ZHX2: variants seen among roughly 807,000 people sequenced by gnomAD.
ZHX2 encodes zinc fingers and homeoboxes 2.
A neutral mutation model predicts 21.9 loss-of-function variants in ZHX2; 6 were observed. The observed-to-expected ratio is 0.27, with a 90% CI of 0.15 to 0.54. The LOEUF (loss-of-function observed/expected upper bound fraction) is 0.54. ZHX2 is among the 20% of genes least tolerant of loss of function. The probability of loss-of-function intolerance (pLI) is 0.95; values close to 1 mark genes in which losing one functional copy is unlikely to be tolerated. For missense variants in ZHX2, 908 were observed against 1,090.7 expected, an observed-to-expected ratio of 0.83 and a Z score of 2.36; for synonymous variants, 434 against 437.1, an observed-to-expected ratio of 0.99 and a Z score of 0.09.
At chr8:122,891,034 G>C (rs1477221433) in intron 2 of ZHX2, among the ~76,000 whole-genome samples, 8 of 151,972 alleles carry the variant, frequency 5.3e-5, no homozygotes, top group Admixed American at 5.2e-4. Context: ...GTCTGGTTTT[G>C]GTATCAGGGT....
chr8:122,857,282 A>C, intron 1 of ZHX2, among the ~76,000 whole-genome samples: 1 of 151,992 alleles, frequency 6.6e-6, no homozygotes, highest in Non-Finnish European at 1.5e-5. Context: ...AAAGCCCCAT[A>C]AAGAGTTGTT....
chr8:122,865,301 T>G (rs2129643788), intron 2 of ZHX2, among the ~76,000 whole-genome samples: 1 of 152,150 alleles, frequency 6.6e-6, no homozygotes, highest in East Asian at 1.9e-4. Context: ...GCTAATTTTT[T>G]GTATTTTTAG....
At chr8:122,967,057 A>G (rs1424710288) in intron 3 of ZHX2, among the ~76,000 whole-genome samples, 1 of 151,992 alleles carries the variant, frequency 6.6e-6, no homozygotes, top group African/African-American at 2.4e-5. Flanking sequence ...CATATCCTGT[A>G]TTGTTGTTTC....
At chr8:122,874,894 G>A (rs1165508323) in intron 2 of ZHX2, among the ~76,000 whole-genome samples, 2 of 151,290 alleles carry the variant, frequency 1.3e-5, no homozygotes, top group Non-Finnish European at 3.0e-5. Flanking sequence ...GTTCTCAGGT[G>A]CCAGACCACC....
rs1817313698 is a variant in ZHX2, at chr8:122,782,618, G to A, written c.-283+672G>A. Among the ~76,000 whole-genome samples the A allele has an allele frequency of 6.6e-6, 1 of 152,176 alleles. No individual in the cohort carries two copies. Among genetic ancestry groups the A allele is most frequent in the African/African-American group, 2.4e-5 (1 of 41,462 alleles). On this transcript the variant is annotated intron_variant, in intron 1 of 3. Transcript: ENST00000314393. This position sits in a 1 kb window ranked among gnomAD's most constrained non-coding sequence, Gnocchi z 5.3. ...GCCTCTGCTCTCGTCGCTCCCGGCG[G>A]CTGCAGGCAGCGGGCGCGCAGCGCG...
At chr8:122,780,671 T>C (rs984453524), upstream of ZHX2, 2 of 152,340 alleles carry the variant, frequency 1.3e-5, no homozygotes, top group African/African-American at 4.8e-5. Context: ...ACCTTTGCTC[T>C]AAGGCGCCTA....
chr8:122,791,872 A>AC (rs924842416), intron 1 of ZHX2, among the ~76,000 whole-genome samples: 11 of 152,116 alleles, frequency 7.2e-5, no homozygotes, highest in African/African-American at 1.2e-4. Context: ...CTCATAAAAA[A>AC]AAAAAAAAAG....
chr8:122,881,886 C>T (rs1332005389), intron 2 of ZHX2, among the ~76,000 whole-genome samples: 1 of 152,158 alleles, frequency 6.6e-6, no homozygotes, highest in East Asian at 1.9e-4. Context: ...CATTTGGAAA[C>T]CCCCATTTCC....
intron 3 of ZHX2, among the ~76,000 whole-genome samples, chr8:122,959,625 T>G (rs1813392289): frequency 6.6e-6 from 1 of 152,212 alleles, no homozygotes; most frequent in Non-Finnish European, 1.5e-5. Context: ...TTGCTTGTCC[T>G]CATTTTTTTC....
At chr8:122,889,181 T>A (rs764425532) in intron 2 of ZHX2, among the ~76,000 whole-genome samples, 1 of 152,208 alleles carries the variant, frequency 6.6e-6, no homozygotes, top group Non-Finnish European at 1.5e-5. Flanking sequence ...AGTGCTGCAA[T>A]AAACATGGGA....
At chr8:122,883,735 G>A (rs1178825448) in intron 2 of ZHX2, among the ~76,000 whole-genome samples, 1 of 152,220 alleles carries the variant, frequency 6.6e-6, no homozygotes, top group Non-Finnish European at 1.5e-5. Context: ...AGAAAGACCC[G>A]TTTGTTGGTG....
chr8:122,874,085 C>A (rs1819509192), intron 2 of ZHX2, among the ~76,000 whole-genome samples: 1 of 152,170 alleles, frequency 6.6e-6, no homozygotes. Context: ...TAGTCAAGTG[C>A]AGTTCTGAGA....
At chr8:122,892,346 A>G (rs974780051) in intron 2 of ZHX2, among the ~76,000 whole-genome samples, 3 of 152,188 alleles carry the variant, frequency 2.0e-5, no homozygotes, top group Admixed American at 6.5e-5. Context: ...TATAGGCAGC[A>G]TATAGTTGGG....
At chr8:122,819,565 A>G (rs991596876) in intron 1 of ZHX2, among the ~76,000 whole-genome samples, 2 of 152,250 alleles carry the variant, frequency 1.3e-5, no homozygotes, top group African/African-American at 2.4e-5. Context: ...ATCTGCTTCC[A>G]CTGCAGTCAG....
At position 122,953,612 on chromosome 8, in the gene ZHX2, A is replaced by T. The variant is rs201478824; in HGVS notation, c.2102A>T (p.Asp701Val). Reference sequence around the variant, plus strand: ...CAGTACCAGCACCAGCCCATGGCAGATGATCACGGCTACGATGCCGTAGCA... The same window carrying T: ...CAGTACCAGCACCAGCCCATGGCAGTTGATCACGGCTACGATGCCGTAGCA... The part of the protein sequence containing the change: ...MEQYQHQPMA[D>V]DHGYDAVARK... Residue 701 changes from aspartate (D) to valine (V), a missense_variant, in exon 3 of 4, where the codon GAT becomes GTT. Transcript: ENST00000314393. The surrounding 1 kb of genome is among the most constrained non-coding windows in gnomAD (Gnocchi z 4.6). 5.6e-6 allele frequency: 9 copies of T among 1,614,188 alleles called. No individual in the cohort carries two copies. The Admixed American group carries it at 1.2e-4, about 21-fold the overall frequency.
At chr8:122,893,869 G>T (rs1820037831) in intron 2 of ZHX2, among the ~76,000 whole-genome samples, 3 of 152,158 alleles carry the variant, frequency 2.0e-5, no homozygotes, top group Admixed American at 6.5e-5. Flanking sequence ...TTCCTTTAAA[G>T]GTGTTGTGTT....
rs1307241458 is a variant in ZHX2 at position 122,952,989 on chromosome 8, G to A, written c.1479G>A (p.Arg493=). 6.2e-7 allele frequency: 1 copy of A among 1,614,006 alleles called. No individual in the cohort carries two copies. Among genetic ancestry groups the A allele is most frequent in the South Asian group, 1.1e-5 (1 of 91,070 alleles). Reference sequence around the variant, plus strand: ...AGTGGTTCAGTGACCACCGATATCGGTGTCAAAGGGGCATCGTCCACATCA... The same window carrying A: ...AGTGGTTCAGTGACCACCGATATCGATGTCAAAGGGGCATCGTCCACATCA... ...IKKWFSDHRY[R]CQRGIVHITS... is the part of the protein sequence containing the mutation. Residue 493 remains arginine (R), a synonymous_variant, in exon 3 of 4, where the codon CGG becomes CGA. Transcript: ENST00000314393. This position sits in a 1 kb window ranked among gnomAD's most constrained non-coding sequence, Gnocchi z 6.9.
At position 122,828,377 on chromosome 8, in the gene ZHX2, A is replaced by G. The variant is rs891662296; in HGVS notation, c.-282-35100A>G. Among the ~76,000 whole-genome samples, 3 of 152,196 alleles carry G rather than the reference A, an allele frequency of 2.0e-5. No individual in the cohort carries two copies. The highest frequency in any genetic ancestry group is 4.4e-5 in the Non-Finnish European group (3 of 68,034). The stretch of plus-strand genomic sequence containing the variant: ...TGGAGGAAGAGGATCTCACTCACAC[A>G]CCAGGAGACTGGAGGGAGGGTGCAT... On this transcript the variant is annotated intron_variant, in intron 1 of 3. Transcript: ENST00000314393. The surrounding 1 kb of genome is among the most constrained non-coding windows in gnomAD (Gnocchi z 5.2).
chr8:122,817,389 A>G (rs1563740507), intron 1 of ZHX2, among the ~76,000 whole-genome samples: 1 of 152,162 alleles, frequency 6.6e-6, no homozygotes, highest in Non-Finnish European at 1.5e-5. Flanking sequence ...TTGCCGTATG[A>G]GGCACTAGGA....
Sources: allele counts gnomAD v4.1 joint callset (sites outside exome capture counted in the v4.1 genomes callset), GRCh38; gene constraint gnomAD v4.1.1; non-coding constraint Gnocchi (gnomAD v3.1); transcripts MANE v1.5; gene names NCBI Gene and HGNC (gene_info 2026-07-23, HGNC 2026-07-21).